Variants in VAV2 observed in about 807,000 individuals in gnomAD.
VAV2 encodes the protein guanine nucleotide exchange factor VAV2.
VAV2 carries 67 observed loss-of-function variants against 132.5 expected under a neutral mutation model. The ratio of observed to expected loss-of-function variants is 0.51; its 90% CI spans 0.42 to 0.62. The LOEUF (loss-of-function observed/expected upper bound fraction) is 0.62. VAV2 is among the 20% of genes least tolerant of loss of function. VAV2 has a pLI of 0.00. For missense variants in VAV2, 938 were observed against 1,153.6 expected (o/e 0.81, Z 2.71); for synonymous variants, 492 against 443.5 (o/e 1.11, Z -1.37).
chr9:133,917,588 C>A (rs1314077653), intron 2 of VAV2, among the ~76,000 whole-genome samples: 1 of 152,194 alleles, frequency 6.6e-6, no homozygotes, highest in Non-Finnish European at 1.5e-5. Context: ...AGAGGCCATG[C>A]AGTTGGGACT....
chr9:133,946,851 T>TA (rs1841377767), intron 1 of VAV2, among the ~76,000 whole-genome samples: 1 of 152,200 alleles, frequency 6.6e-6, no homozygotes, highest in African/African-American at 2.4e-5. Context: ...ATCAGGTAGA[T>TA]AAACAGGTGA....
intron 2 of VAV2, among the ~76,000 whole-genome samples, chr9:133,864,219 C>CG (rs1554794198): frequency 6.6e-6 from 1 of 152,200 alleles, no homozygotes; most frequent in Non-Finnish European, 1.5e-5. Context: ...CAGACAGCCG[C>CG]GGGGCAGGAG....
intron 3 of VAV2, among the ~76,000 whole-genome samples, chr9:133,855,998 G>A (rs1056622296): frequency 1.3e-5 from 2 of 152,216 alleles, no homozygotes; most frequent in African/African-American, 4.8e-5. Context: ...CGCAATGACC[G>A]GCTACGGCTG....
At chr9:133,776,146 G>A in intron 23 of VAV2, 66 bp from the exon 24 acceptor site, 1 of 1,583,742 alleles carries the variant, frequency 6.3e-7, no homozygotes. Flanking sequence ...GCTCAGAGGG[G>A]GTCATTGTCA....
rs1029934153 is a variant in VAV2 at position 133,788,719 on chromosome 9, A to C, written c.1275-233T>G. On this transcript the variant is annotated intron_variant, in intron 14 of 29. Transcript: ENST00000371850. This position sits in a 1 kb window ranked among gnomAD's most constrained non-coding sequence, Gnocchi z 5.3. ...CTACCCCCGTGACTGAGGCTGTGCC[A>C]GGAGCCCTTCAAGGGGCTCCTGCAT... Among the ~76,000 whole-genome samples, 2 of 152,002 alleles carry C rather than the reference A, an allele frequency of 1.3e-5. No homozygotes were observed. The highest frequency in any genetic ancestry group is 4.8e-5 in the African/African-American group (2 of 41,414).
chr9:133,783,397 G>A (rs1456012979), intron 19 of VAV2, 106 bp downstream of exon 19: 13 of 1,096,396 alleles, frequency 1.2e-5, no homozygotes, highest in East Asian at 9.6e-5. Context: ...TCATCTGGTC[G>A]CTGCCCCGTG....
intron 1 of VAV2, among the ~76,000 whole-genome samples, chr9:133,954,384 G>T (rs529659674): frequency 6.6e-6 from 1 of 152,240 alleles, no homozygotes; most frequent in African/African-American, 2.4e-5. Context: ...GCAAGTGCGC[G>T]TGAGACGCCC....
At position 133,788,140 on chromosome 9, in the gene VAV2, G is replaced by A. The variant is rs1220188673; in HGVS notation, c.1407+214C>T. Among the ~76,000 whole-genome samples, 2 of 152,214 alleles carry A rather than the reference G, an allele frequency of 1.3e-5. No homozygotes were observed. The highest frequency in any genetic ancestry group is 6.5e-5 in the Admixed American group (1 of 15,284). ...CACCTTTCTGGGGGGCGCTGGGCCC[G>A]GCGAGGAGCAGGCCTGCTATGAGCA... On this transcript the variant is annotated intron_variant, in intron 15 of 29. Transcript: ENST00000371850. This position sits in a 1 kb window ranked among gnomAD's most constrained non-coding sequence, Gnocchi z 5.3.
chr9:133,929,560 G>T (rs535249558), intron 2 of VAV2, among the ~76,000 whole-genome samples: 1 of 152,244 alleles, frequency 6.6e-6, no homozygotes, highest in South Asian at 2.1e-4. Context: ...AGGCAGAAGA[G>T]GAGAGGAATA....
At chr9:133,829,141 A>G (rs1836166130) in intron 4 of VAV2, among the ~76,000 whole-genome samples, 1 of 152,260 alleles carries the variant, frequency 6.6e-6, no homozygotes, top group Non-Finnish European at 1.5e-5. Flanking sequence ...AGGGAAGCGC[A>G]GTGCCTGCCA....
In VAV2 at chr9:133,840,368, T is replaced by C. The variant is rs1273615605; in HGVS notation, c.381-6028A>G. Among the ~76,000 whole-genome samples, 2 of 151,872 alleles carry C rather than the reference T, an allele frequency of 1.3e-5. No individual in the cohort carries two copies. Among genetic ancestry groups the C allele is most frequent in the Non-Finnish European group, 2.9e-5 (2 of 67,960 alleles). On this transcript the variant is annotated intron_variant, in intron 3 of 29. Transcript: ENST00000371850. This position sits in a 1 kb window ranked among gnomAD's most constrained non-coding sequence, Gnocchi z 4.5. ...GCCCGCGTTGGGCAGCAGCCCCTCC[T>C]CCCAAACGACCCATCCAATCCCACT...
intron 2 of VAV2, among the ~76,000 whole-genome samples, chr9:133,930,981 G>A (rs1022448984): frequency 2.0e-5 from 3 of 152,192 alleles, no homozygotes; most frequent in African/African-American, 4.8e-5. Flanking sequence ...GAAGGTGCGC[G>A]CTGCTCTTTA....
intron 8 of VAV2, among the ~76,000 whole-genome samples, chr9:133,806,959 T>G (rs1465356113): frequency 6.6e-6 from 1 of 152,226 alleles, no homozygotes; most frequent in Non-Finnish European, 1.5e-5. Context: ...AGGGACACGT[T>G]TCTCTCTGGC....
intron 14 of VAV2, 105 bp downstream of exon 14, chr9:133,789,152 TC>T: frequency 8.1e-7 from 1 of 1,241,406 alleles, no homozygotes; most frequent in Non-Finnish European, 1.1e-6. Context: ...GGCAGCTCTT[TC>T]CACAGGAAGG....
chr9:133,809,195 G>A (rs1245140076), intron 6 of VAV2, 57 bp from the exon 7 acceptor site: 1 of 1,448,184 alleles, frequency 6.9e-7, no homozygotes. Context: ...CCTGCCACCT[G>A]CACATCTGCA....
At chr9:133,957,000 C>A (rs756175525) in intron 1 of VAV2, among the ~76,000 whole-genome samples, 1 of 152,190 alleles carries the variant, frequency 6.6e-6, no homozygotes, top group African/African-American at 2.4e-5. Context: ...CAGCACCCAC[C>A]CACCTGCCCA....
intron 12 of VAV2, among the ~76,000 whole-genome samples, chr9:133,795,427 G>A (rs1206376201): frequency 6.6e-6 from 1 of 152,132 alleles, no homozygotes; most frequent in Non-Finnish European, 1.5e-5. Flanking sequence ...AGGTCTTGTT[G>A]GACAGGTGAG....
intron 9 of VAV2, among the ~76,000 whole-genome samples, chr9:133,800,586 C>T (rs1834891916): frequency 6.6e-6 from 1 of 152,212 alleles, no homozygotes. Context: ...GCCCCAGTCC[C>T]TCCCTGTCGA....
chr9:133,982,094 G>C (rs992001074), intron 1 of VAV2, among the ~76,000 whole-genome samples: 1 of 152,220 alleles, frequency 6.6e-6, no homozygotes, highest in Non-Finnish European at 1.5e-5. Context: ...AGGCCTGGGG[G>C]CAGGAAAGGC....
Sources: gnomAD v4.1 joint callset for allele counts (sites outside exome capture counted in the v4.1 genomes callset) on GRCh38, gnomAD v4.1.1 for gene constraint, Gnocchi (gnomAD v3.1) non-coding constraint, MANE v1.5 for transcripts, NCBI Gene and HGNC (gene_info 2026-07-23, HGNC 2026-07-21) for gene names.